ZNF496: variants seen among roughly 807,000 people sequenced by gnomAD.
The protein encoded by ZNF496 is zinc finger protein 496.
ZNF496 carries 11 observed loss-of-function variants against 58.9 expected under a neutral mutation model. The observed-to-expected ratio is 0.19, with a 90% CI of 0.12 to 0.31. ZNF496 has a LOEUF of 0.31. ZNF496 is among the 10% of genes least tolerant of loss of function. The pLI is 1.00. For missense variants in ZNF496, 660 were observed against 783.0 expected, an observed-to-expected ratio of 0.84 and a Z score of 1.88; for synonymous variants, 338 against 318.2, an observed-to-expected ratio of 1.06 and a Z score of -0.66.
intron 5 of ZNF496, among the ~76,000 whole-genome samples, chr1:247,326,334 C>G (rs1660127665): frequency 2.0e-5 from 3 of 151,926 alleles, no homozygotes; most frequent in Non-Finnish European, 4.4e-5. Context: ...ATGAACTGTC[C>G]CAATAGTTAA....
chr1:247,299,026 G>A lies in ZNF496; in HGVS notation c.*1493C>T, dbSNP rs1329379751. ...ATGCTGAAACTTGGGTCTGAACCCT[G>A]CCTTTGATGGAATTGTGAGCAAGCT... On this transcript the variant is annotated 3_prime_UTR_variant, in exon 10 of 10. Transcript: ENST00000682384. 6.6e-6 allele frequency: 1 copy of A among 152,230 alleles called. No homozygotes were observed. The highest frequency in any genetic ancestry group is 1.5e-5 in the Non-Finnish European group (1 of 68,052). 9.4% of individuals were successfully genotyped at this position (152,230 alleles called of 1,614,324 possible).
In ZNF496 at chr1:247,328,734, G is replaced by C; in HGVS notation, c.523C>G (p.Gln175Glu). Residue 175 changes from glutamine (Q) to glutamate (E), a missense_variant, in exon 5 of 10, where the codon CAG (glutamine) becomes GAG (glutamate). By Grantham distance (29) the Gln-to-Glu change is conservative (BLOSUM62 2). Coordinates refer to ENST00000682384, the MANE Select transcript of ZNF496 (RefSeq NM_032752.3). ...NQDAQPITLAQCLGLPSRPPS... is the reference protein window; with the variant it reads ...NQDAQPITLAECLGLPSRPPS... ...GGTCTGCTTGGGAGCCCCAGGCACT[G>C]TGCCAGGGTTATGGGCTGGGCATCC... is the stretch of plus-strand genomic sequence containing the variant. The C allele has an allele frequency of 6.2e-7, 1 of 1,612,692 alleles. No individual in the cohort carries two copies. The highest frequency in any genetic ancestry group is 8.5e-7 in the Non-Finnish European group (1 of 1,179,352).
chr1:247,300,284 T>TC lies in ZNF496; in HGVS notation c.*234dup, dbSNP rs1243179346. 6.9e-6 allele frequency: 3 copies of TC among 437,048 alleles called. No individual in the cohort carries two copies. Among genetic ancestry groups the TC allele is most frequent in the East Asian group, 3.4e-5 (1 of 29,380 alleles). 27.1% of individuals were successfully genotyped at this position (437,048 alleles called of 1,614,324 possible). ...GCATGTCCAACCTGGTGATGGCACATCCCCCCCGTTTTTTGGCACAGCAGA... is the reference window on the plus strand; with the variant it reads ...GCATGTCCAACCTGGTGATGGCACATCCCCCCCCGTTTTTTGGCACAGCAGA... On this transcript the variant is annotated 3_prime_UTR_variant, in exon 10 of 10. Transcript: ENST00000682384. This position sits in a 1 kb window ranked among gnomAD's most constrained non-coding sequence, Gnocchi z 5.7.
chr1:247,304,157 C>CCTG, intron 9 of ZNF496: 1 of 307,692 alleles, frequency 3.2e-6, no homozygotes, highest in South Asian at 2.6e-5. Flanking sequence ...ATGTACTATC[C>CCTG]TTCAAGAAAA....
At position 247,308,485 on chromosome 1, in the gene ZNF496, G is replaced by A. The variant is rs1358255433; in HGVS notation, c.996C>T (p.Asn332=). 1.9e-6 allele frequency: 3 copies of A among 1,614,030 alleles called. No individual in the cohort carries two copies. Among genetic ancestry groups the A allele is most frequent in the Admixed American group, 3.3e-5 (2 of 60,010 alleles). ...QACPQTVVPQ[N]TYPAGGNPRS... ...CTGACCCTTCTTTACCTGGGTAGGTGTTTTGAGGCACCACCGTCTGTGGGC... is the reference window on the plus strand; with the variant it reads ...CTGACCCTTCTTTACCTGGGTAGGTATTTTGAGGCACCACCGTCTGTGGGC... Residue 332 remains asparagine (N), a synonymous_variant, in exon 9 of 10, where the codon AAC becomes AAT. Coordinates refer to ENST00000682384, the MANE Select transcript of ZNF496 (RefSeq NM_032752.3). This position sits in a 1 kb window ranked among gnomAD's most constrained non-coding sequence, Gnocchi z 4.5.
intron 5 of ZNF496, among the ~76,000 whole-genome samples, chr1:247,323,503 C>A (rs1660025087): frequency 6.6e-6 from 1 of 152,140 alleles, no homozygotes; most frequent in Non-Finnish European, 1.5e-5. Flanking sequence ...ACAAGGGGGG[C>A]TGTAACAGAG....
intron 9 of ZNF496, among the ~76,000 whole-genome samples, chr1:247,302,083 C>T (rs569164450): frequency 5.9e-5 from 9 of 152,306 alleles, no homozygotes; most frequent in Admixed American, 3.3e-4. Flanking sequence ...CCTGAGGTCC[C>T]GGCTTATGGA....
chr1:247,307,444 A>G (rs1323944171), intron 9 of ZNF496: 2 of 985,312 alleles, frequency 2.0e-6, no homozygotes, highest in South Asian at 4.7e-5. Flanking sequence ...GAGACATGCT[A>G]TGGGCAGAAA....
rs1427505467 is a variant in ZNF496 at position 247,298,076 on chromosome 1, G to A, written c.*2443C>T. ...GAGCACACAGGTAGGTGGGGTAAAC[G>A]TGTACAGAGAGCCTGGCTTCTACTT... On this transcript the variant is annotated 3_prime_UTR_variant, in exon 10 of 10. Coordinates refer to ENST00000682384, the MANE Select transcript of ZNF496 (RefSeq NM_032752.3). The A allele has an allele frequency of 1.3e-5, 2 of 152,146 alleles. No individual in the cohort carries two copies. The highest frequency in any genetic ancestry group is 3.9e-4 in the East Asian group (2 of 5,178). 9.4% of individuals were successfully genotyped at this position (152,146 alleles called of 1,614,324 possible).
At chr1:247,324,503 G>A (rs775357337) in intron 5 of ZNF496, among the ~76,000 whole-genome samples, 1 of 151,070 alleles carries the variant, frequency 6.6e-6, no homozygotes, top group East Asian at 1.9e-4. Flanking sequence ...GGTATATGAG[G>A]TAATGCATTA....
chr1:247,307,568 C>T (rs1477055610), intron 9 of ZNF496: 1 of 985,342 alleles, frequency 1.0e-6, no homozygotes, highest in African/African-American at 1.7e-5. Flanking sequence ...TCTTAGAAAA[C>T]CAGGGGTGGG....
At chr1:247,304,370 ATTT>A (rs146250749) in intron 9 of ZNF496, among the ~76,000 whole-genome samples, 455 of 141,548 alleles carry the variant, frequency 3.2e-3, no homozygotes, top group Admixed American at 5.3e-3. Flanking sequence ...GACCTGCTAG[ATTT>A]TTTTTTTTTT....
At chr1:247,321,101 G>A (rs1028025585) in intron 6 of ZNF496, among the ~76,000 whole-genome samples, 1 of 151,954 alleles carries the variant, frequency 6.6e-6, no homozygotes, top group African/African-American at 2.4e-5. Context: ...GCTTGAACCC[G>A]GGATGCGGAG....
Position 247,329,409 on chromosome 1 carries a change from C to A in ZNF496, c.170G>T (p.Arg57Leu), listed in dbSNP as rs193258166. 37 of 1,612,892 alleles carry A rather than the reference C, an allele frequency of 2.3e-5. No individual in the cohort carries two copies. The highest frequency in any genetic ancestry group is 3.1e-5 in the Non-Finnish European group (37 of 1,179,676). Residue 57 changes from arginine (R) to leucine (L), a missense_variant, in exon 4 of 10, where the codon CGG (arginine) becomes CTG (leucine). Physicochemically the swap from Arg to Leu is moderately radical, Grantham distance 102 (BLOSUM62 -2). Coordinates refer to ENST00000682384, the MANE Select transcript of ZNF496 (RefSeq NM_032752.3). This position sits in a 1 kb window ranked among gnomAD's most constrained non-coding sequence, Gnocchi z 5.5. ...GTCCCAGAGGCGCTGCAGGGCCTCCCGGGGGCCCGCCGCCTCCTGGTAGCG... is the reference window on the plus strand; with the variant it reads ...GTCCCAGAGGCGCTGCAGGGCCTCCAGGGGGCCCGCCGCCTCCTGGTAGCG... ...RFRYQEAAGP[R>L]EALQRLWDLC...
At chr1:247,310,074 C>T in intron 7 of ZNF496, 2 of 1,429,240 alleles carry the variant, frequency 1.4e-6, no homozygotes. Context: ...GAGAAATGGA[C>T]ATACAGCACA....
chr1:247,317,403 A>G lies in ZNF496; in HGVS notation c.651+5751T>C, dbSNP rs1052367784. ...ACTGCTCTACTCCACTTAATACCAC[A>G]TAAGAAAACTGTGGCCCCTTCTTAC... On this transcript the variant is annotated intron_variant, in intron 6 of 9. Coordinates refer to ENST00000682384, the MANE Select transcript of ZNF496 (RefSeq NM_032752.3). Among the ~76,000 whole-genome samples, 9 of 152,204 alleles carry G rather than the reference A, an allele frequency of 5.9e-5. No homozygotes were observed. In the South Asian group the frequency reaches 6.2e-4, roughly 11 times the overall value.
At chr1:247,327,005 G>A (rs6657577) in intron 5 of ZNF496, among the ~76,000 whole-genome samples, 140,632 of 152,178 alleles carry the variant, frequency 0.92, 65,738 homozygotes, top group East Asian at 1. Context: ...GGATATTCAT[G>A]GGTTTTTACG....
chr1:247,329,219 C>T lies in ZNF496; in HGVS notation c.360G>A (p.Leu120=), dbSNP rs1312968727. 1 of 1,613,602 alleles carries T rather than the reference C, an allele frequency of 6.2e-7. No homozygotes were observed. The highest frequency in any genetic ancestry group is 1.3e-5 in the African/African-American group (1 of 75,064). Residue 120 remains leucine, a synonymous_variant, in exon 4 of 10, where the codon CTG becomes CTA. Coordinates refer to ENST00000682384, the MANE Select transcript of ZNF496 (RefSeq NM_032752.3). This position sits in a 1 kb window ranked among gnomAD's most constrained non-coding sequence, Gnocchi z 5.5. ...GCCAGGGTCTCCCGGGCTCCCGTTC[C>T]AGTGCCTCCACCGCGGCCACAGCCT... ...GEQAVAAVEA[L]EREPGRPWQW...
rs1282601628 is a variant in ZNF496 at position 247,311,428 on chromosome 1, G to GACACACAC, written c.652-973_652-972insGTGTGTGT. ...AAAAAAAAAACAAAACACACACACA[G>GACACACAC]AGACACACACACACACACACACACA... On this transcript the variant is annotated intron_variant, in intron 6 of 9. Coordinates refer to ENST00000682384, the MANE Select transcript of ZNF496 (RefSeq NM_032752.3). 1.9e-3 allele frequency: 71 copies of GACACACAC among 38,302 alleles called. 1 individual carries two copies. The South Asian group carries it at 0.043, about 23-fold the overall frequency. The allele number at this position is 38,302 out of a possible 1,614,324, so 2.4% of individuals were successfully genotyped here.
Sources: gnomAD v4.1 joint callset for allele counts (sites outside exome capture counted in the v4.1 genomes callset) on GRCh38, gnomAD v4.1.1 for gene constraint, Gnocchi (gnomAD v3.1) non-coding constraint, MANE v1.5 for transcripts, NCBI Gene and HGNC (gene_info 2026-07-23, HGNC 2026-07-21) for gene names.